The following NAALADL2 variants were observed in gnomAD, a reference collection of about 807,000 sequenced individuals.
NAALADL2 encodes the protein inactive N-acetylated-alpha-linked acidic dipeptidase-like protein 2.
In NAALADL2, 76 loss-of-function variants were observed where a neutral mutation model predicts 87.2. The observed-to-expected ratio is 0.87, with a 90% CI of 0.72 to 1.05. The LOEUF (loss-of-function observed/expected upper bound fraction) is 1.05, where lower values mean the gene tolerates loss of function less well. NAALADL2 is among the 50% of genes least tolerant of loss of function. The probability of loss-of-function intolerance (pLI) is 0.00; values close to 1 mark genes in which losing one functional copy is unlikely to be tolerated. For synonymous variants in NAALADL2, 354 were observed against 331.0 expected (o/e 1.07, Z -0.75); for missense variants, 1,089 against 945.8 (o/e 1.15, Z -1.99).
At chr3:174,838,953 C>G (rs1579146893) in intron 3 of NAALADL2, among the ~76,000 whole-genome samples, 1 of 152,020 alleles carries the variant, frequency 6.6e-6, no homozygotes, top group East Asian at 1.9e-4. Flanking sequence ...ATGCTATGCC[C>G]ATCAACACCC....
chr3:175,449,629 G>A (rs1327908266), intron 6 of NAALADL2, among the ~76,000 whole-genome samples: 6 of 151,220 alleles, frequency 4.0e-5, no homozygotes, highest in Non-Finnish European at 5.9e-5. Context: ...TCCTGACCTC[G>A]TGATCCGCCC....
intron 2 of NAALADL2, among the ~76,000 whole-genome samples, chr3:174,717,841 C>G (rs1345299466): frequency 1.3e-5 from 2 of 152,182 alleles, no homozygotes; most frequent in Middle Eastern, 3.4e-3. Context: ...AAGTTTCCTC[C>G]TTGGCCGGGC....
chr3:174,447,545 A>G (rs1715144489), intron 1 of NAALADL2, among the ~76,000 whole-genome samples: 1 of 152,138 alleles, frequency 6.6e-6, no homozygotes, highest in Non-Finnish European at 1.5e-5. Flanking sequence ...TGGCCGGGCG[A>G]GGTGGCTAAC....
chr3:175,403,778 T>C (rs1490161365), intron 5 of NAALADL2, among the ~76,000 whole-genome samples: 1 of 152,148 alleles, frequency 6.6e-6, no homozygotes, highest in Non-Finnish European at 1.5e-5. Flanking sequence ...TTAAGAAACA[T>C]TGGCTGCCAC....
chr3:174,456,307 G>A (rs1189676083), intron 1 of NAALADL2, among the ~76,000 whole-genome samples: 1 of 146,464 alleles, frequency 6.8e-6, no homozygotes, highest in East Asian at 2.1e-4. Flanking sequence ...TAGATTCAAT[G>A]CTATTTCTAT....
intron 5 of NAALADL2, among the ~76,000 whole-genome samples, chr3:175,406,486 CT>C (rs1366041273): frequency 3.3e-5 from 5 of 152,140 alleles, no homozygotes; most frequent in Non-Finnish European, 7.4e-5. Flanking sequence ...GCTTAAATAA[CT>C]TTAGTCTTGC....
rs1749964150 is a variant in NAALADL2, at chr3:175,256,483, A to G, written c.892A>G (p.Asn298Asp). 1 of 1,613,122 alleles carries G rather than the reference A, an allele frequency of 6.2e-7. No homozygotes were observed. The highest frequency in any genetic ancestry group is 1.1e-5 in the South Asian group (1 of 90,990). ...GATTAGGAAAATAAAAAACGTAACA[A>G]ATCAGATCGCACTCCTGAAATTAGG... ...KRIRKIKNVT[N>D]QIALLKLGKL... is the part of the protein sequence containing the mutation. Residue 298 changes from asparagine (N) to aspartate (D), a missense_variant, in exon 4 of 14, where the codon AAT becomes GAT. Asn to Asp is a conservative substitution (Grantham distance 23, BLOSUM62 1). Coordinates refer to ENST00000454872, the MANE Select transcript of NAALADL2 (RefSeq NM_207015.3).
intron 10 of NAALADL2, among the ~76,000 whole-genome samples, chr3:175,617,248 G>A (rs1018242996): frequency 1.3e-5 from 2 of 152,184 alleles, no homozygotes; most frequent in African/African-American, 4.8e-5. Flanking sequence ...TCTGGAGGAA[G>A]TCCACCTTCC....
intron 2 of NAALADL2, among the ~76,000 whole-genome samples, chr3:175,203,847 G>C (rs1418549177): frequency 2.6e-5 from 4 of 152,184 alleles, no homozygotes; most frequent in African/African-American, 7.2e-5. Flanking sequence ...AATCTGGAAA[G>C]AGATGGATAC....
rs755609471 is a variant in NAALADL2, at chr3:175,803,251, A to C, written c.*48A>C. The C allele has an allele frequency of 2.8e-6, 4 of 1,426,624 alleles. No individual in the cohort carries two copies. Among genetic ancestry groups the C allele is most frequent in the Non-Finnish European group, 3.8e-6 (4 of 1,048,820 alleles). 88.4% of individuals were successfully genotyped at this position (1,426,624 alleles called of 1,614,324 possible). A position where few individuals can be genotyped will look rare whatever the true frequency, so the allele number is the denominator to read the frequency against. ...AGTTTGTTTACAATTCCACAAGCAA[A>C]AGCTCTAATTTAACCAGATTTTCTG... On this transcript the variant is annotated 3_prime_UTR_variant, in exon 14 of 14. Coordinates refer to ENST00000454872, the MANE Select transcript of NAALADL2 (RefSeq NM_207015.3).
At chr3:175,738,198 T>C (rs1040537840) in intron 12 of NAALADL2, among the ~76,000 whole-genome samples, 47 of 152,156 alleles carry the variant, frequency 3.1e-4, no homozygotes, top group African/African-American at 1.1e-3. Context: ...CCTTTGAAAA[T>C]GGATCATTCT....
At chr3:174,649,493 CTTCATT>C (rs1418249553) in intron 2 of NAALADL2, among the ~76,000 whole-genome samples, 4 of 151,874 alleles carry the variant, frequency 2.6e-5, no homozygotes, top group Non-Finnish European at 5.9e-5. Context: ...TATTTTTGCT[CTTCATT>C]TTCAATACTC....
At chr3:174,858,144 A>G (rs938046159), upstream of NAALADL2, among the ~76,000 whole-genome samples, 2 of 148,070 alleles carry the variant, frequency 1.4e-5, no homozygotes, top group African/African-American at 4.9e-5. Flanking sequence ...ATTTGAATAT[A>G]ATAATATGTA....
chr3:175,734,632 A>G (rs999231820), intron 11 of NAALADL2, among the ~76,000 whole-genome samples: 2 of 152,162 alleles, frequency 1.3e-5, no homozygotes, highest in Admixed American at 1.3e-4. Flanking sequence ...CACAGGATCA[A>G]TACCATGTGG....
At chr3:174,539,310 A>C (rs1722010592) in intron 1 of NAALADL2, among the ~76,000 whole-genome samples, 1 of 152,168 alleles carries the variant, frequency 6.6e-6, no homozygotes, top group Admixed American at 6.5e-5. Flanking sequence ...TTAATCATAT[A>C]TTAGAAGATA....
intron 5 of NAALADL2, among the ~76,000 whole-genome samples, chr3:175,442,500 A>G (rs1379134373): frequency 2.0e-5 from 3 of 152,156 alleles, no homozygotes; most frequent in Non-Finnish European, 2.9e-5. Context: ...CTGAACTAAT[A>G]TACTATTTTT....
intron 6 of NAALADL2, among the ~76,000 whole-genome samples, chr3:175,453,825 A>G (rs547089233): frequency 6.6e-6 from 1 of 152,126 alleles, no homozygotes; most frequent in South Asian, 2.1e-4. Flanking sequence ...TCATGTTAAA[A>G]TCTCCTACTG....
intron 1 of NAALADL2, among the ~76,000 whole-genome samples, chr3:174,954,744 A>G (rs929668343): frequency 8.5e-5 from 13 of 152,104 alleles, no homozygotes; most frequent in Admixed American, 7.9e-4. Context: ...GCCTAGTCAA[A>G]TGGGAATGGG....
chr3:174,564,170 G>A (rs934487475), intron 2 of NAALADL2, among the ~76,000 whole-genome samples: 1 of 152,154 alleles, frequency 6.6e-6, no homozygotes, highest in Admixed American at 6.6e-5. Context: ...GGGCTAGTTG[G>A]GTTGGAGGGG....
Sources: gnomAD v4.1 joint callset for allele counts (sites outside exome capture counted in the v4.1 genomes callset) on GRCh38, gnomAD v4.1.1 for gene constraint, MANE v1.5 for transcripts, NCBI Gene and HGNC (gene_info 2026-07-23, HGNC 2026-07-21) for gene names.